The following STXBP5L variants were observed in gnomAD, a reference collection of about 807,000 sequenced individuals.
The protein encoded by STXBP5L is syntaxin binding protein 5L.
A neutral mutation model predicts 144.5 loss-of-function variants in STXBP5L; 65 were observed. That is an observed-to-expected ratio of 0.45 (90% CI 0.37 to 0.55). STXBP5L has a LOEUF of 0.55. Among genes scored for constraint, STXBP5L ranks in the 20% least tolerant of loss-of-function variants. The pLI is 0.00. For synonymous variants in STXBP5L, 505 were observed against 469.6 expected (o/e 1.08, Z -0.97); for missense variants, 1,298 against 1,405.5 (o/e 0.92, Z 1.22).
intron 20 of STXBP5L, among the ~76,000 whole-genome samples, chr3:121,329,362 A>C (rs2044251224): frequency 1.3e-5 from 2 of 152,190 alleles, no homozygotes; most frequent in Non-Finnish European, 1.5e-5. Context: ...AGGTGCTTTA[A>C]GATCTGGCAT....
intron 3 of STXBP5L, among the ~76,000 whole-genome samples, chr3:121,023,468 G>A (rs1560015767): frequency 6.6e-6 from 1 of 152,098 alleles, no homozygotes; most frequent in African/African-American, 2.4e-5. Flanking sequence ...CAAATATGGA[G>A]GTATCACATT....
At chr3:121,351,296 G>T (rs765234680) in intron 20 of STXBP5L, among the ~76,000 whole-genome samples, 6 of 152,086 alleles carry the variant, frequency 3.9e-5, no homozygotes, top group African/African-American at 9.7e-5. Context: ...CAGCAAATGT[G>T]GCTGCCTGAT....
chr3:121,371,310 A>G (rs975936307), intron 20 of STXBP5L, among the ~76,000 whole-genome samples: 1 of 152,182 alleles, frequency 6.6e-6, no homozygotes, highest in Non-Finnish European at 1.5e-5. Context: ...CTGGACTGCA[A>G]GCTTTAACTC....
intron 9 of STXBP5L, among the ~76,000 whole-genome samples, chr3:121,166,402 C>A (rs988146134): frequency 6.6e-6 from 1 of 152,068 alleles, no homozygotes; most frequent in Non-Finnish European, 1.5e-5. Context: ...CACTAATTTT[C>A]TCTTCAGCTA....
intron 20 of STXBP5L, among the ~76,000 whole-genome samples, chr3:121,342,428 T>C (rs1234642121): frequency 6.6e-6 from 1 of 151,786 alleles, no homozygotes; most frequent in Non-Finnish European, 1.5e-5. Context: ...ACATGTGCCA[T>C]GCTGGTGCGC....
chr3:120,965,851 G>T (rs774755121), intron 3 of STXBP5L, among the ~76,000 whole-genome samples: 7 of 152,076 alleles, frequency 4.6e-5, no homozygotes, highest in Non-Finnish European at 8.8e-5. Flanking sequence ...AATTCTCCTG[G>T]ATAATAACCT....
At chr3:121,409,072 C>T (rs1021692020) in intron 23 of STXBP5L, among the ~76,000 whole-genome samples, 7 of 151,722 alleles carry the variant, frequency 4.6e-5, no homozygotes, top group Non-Finnish European at 1.5e-5. Context: ...AAGATTTGCA[C>T]TCTTAGAAAA....
At chr3:121,312,732 C>G (rs1238996950) in intron 19 of STXBP5L, among the ~76,000 whole-genome samples, 1 of 151,808 alleles carries the variant, frequency 6.6e-6, no homozygotes, top group South Asian at 2.1e-4. Context: ...ATCCATTTAA[C>G]GCTGAGTGGA....
chr3:121,147,422 A>C lies in STXBP5L; in HGVS notation c.670-5055A>C, dbSNP rs545666753. Among the ~76,000 whole-genome samples the C allele has an allele frequency of 5.3e-5, 8 of 152,254 alleles. No homozygotes were observed. The East Asian group carries it at 1.5e-3, about 29-fold the overall frequency. On this transcript the variant is annotated intron_variant, in intron 7 of 26. Coordinates refer to ENST00000471454, the MANE Select transcript of STXBP5L (RefSeq NM_001308330.2). ...ATATATTTTAAACAAAATTGCAATA[A>C]CAATGTGACATATCAAAAACTTGTG...
At chr3:121,229,796 C>T (rs1049832323) in intron 11 of STXBP5L, among the ~76,000 whole-genome samples, 5 of 152,114 alleles carry the variant, frequency 3.3e-5, no homozygotes, top group African/African-American at 1.2e-4. Context: ...TCAAACAATC[C>T]TCCCACCTTA....
chr3:121,039,257 ATCT>A (rs1946974615), intron 3 of STXBP5L, among the ~76,000 whole-genome samples: 2 of 151,754 alleles, frequency 1.3e-5, no homozygotes, highest in Admixed American at 6.6e-5. Flanking sequence ...ATTAGCTGTA[ATCT>A]TCTTGCTGAT....
intron 5 of STXBP5L, among the ~76,000 whole-genome samples, chr3:121,097,514 G>C (rs550772061): frequency 4.7e-4 from 72 of 152,322 alleles, no homozygotes; most frequent in African/African-American, 1.6e-3. Flanking sequence ...CTGGGCTGGA[G>C]TGTGCACCCT....
rs528320955 is a variant in STXBP5L at position 121,188,108 on chromosome 3, TCAGTAA to T, written c.878-17811_878-17806del. On this transcript the variant is annotated intron_variant, in intron 9 of 26. Coordinates refer to ENST00000471454, the MANE Select transcript of STXBP5L (RefSeq NM_001308330.2). ...AGTGGGAAAATTTAACACTCTACTG[TCAGTAA>T]CAGACAGATCATCAAGAGAGAAAAT... Among the ~76,000 whole-genome samples the T allele has an allele frequency of 9.2e-4, 140 of 152,218 alleles. 1 individual carries two copies. Among genetic ancestry groups the T allele is most frequent in the African/African-American group, 3.2e-3 (131 of 41,534 alleles).
chr3:120,961,274 GTTT>G (rs529704108), intron 3 of STXBP5L, among the ~76,000 whole-genome samples: 33 of 126,378 alleles, frequency 2.6e-4, no homozygotes, highest in African/African-American at 9.5e-4. Flanking sequence ...TTCTTTTTTT[GTTT>G]TTTTTTTTTA....
intron 22 of STXBP5L, among the ~76,000 whole-genome samples, chr3:121,395,325 G>GAAAT (rs1315830827): frequency 6.6e-6 from 1 of 152,072 alleles, no homozygotes; most frequent in African/African-American, 2.4e-5. Flanking sequence ...TTGGACTGTG[G>GAAAT]AAATATAAAT....
At chr3:121,017,741 GAAAATC>G (rs1945241495) in intron 3 of STXBP5L, among the ~76,000 whole-genome samples, 1 of 152,030 alleles carries the variant, frequency 6.6e-6, no homozygotes, top group East Asian at 1.9e-4. Context: ...TCTATATAAC[GAAAATC>G]AGAAGACTGA....
At chr3:121,070,921 T>C (rs1049184564) in intron 5 of STXBP5L, among the ~76,000 whole-genome samples, 2 of 152,182 alleles carry the variant, frequency 1.3e-5, no homozygotes, top group Non-Finnish European at 2.9e-5. Context: ...CCCGAAGTCA[T>C]AGGGCAAGAA....
At chr3:121,134,219 G>A (rs1026882865) in intron 7 of STXBP5L, among the ~76,000 whole-genome samples, 1 of 152,110 alleles carries the variant, frequency 6.6e-6, no homozygotes, top group Non-Finnish European at 1.5e-5. Context: ...GCATCACATG[G>A]TGAGGGAGCA....
At chr3:120,915,545 G>A (rs1291036956) in intron 2 of STXBP5L, among the ~76,000 whole-genome samples, 2 of 152,030 alleles carry the variant, frequency 1.3e-5, no homozygotes, top group Admixed American at 6.5e-5. Context: ...TCAAAATGAT[G>A]ATCTTTATAA....
Sources: gnomAD v4.1 joint callset for allele counts (sites outside exome capture counted in the v4.1 genomes callset) on GRCh38, gnomAD v4.1.1 for gene constraint, MANE v1.5 for transcripts, NCBI Gene and HGNC (gene_info 2026-07-23, HGNC 2026-07-21) for gene names.